The following COL9A1 variants were observed in gnomAD, a reference collection of about 807,000 sequenced individuals.
COL9A1 encodes the protein collagen alpha-1(IX) chain.
Under a neutral mutation model 142.6 loss-of-function variants are expected in COL9A1, and 104 were observed. That is an observed-to-expected ratio of 0.73 (90% confidence interval 0.62 to 0.86). The LOEUF (loss-of-function observed/expected upper bound fraction) is 0.86, where lower values mean the gene tolerates loss of function less well. Ranked by LOEUF, COL9A1 falls within the 40% of genes least tolerant of loss-of-function variation. COL9A1 has a pLI of 0.00. For synonymous variants in COL9A1, 466 were observed against 396.0 expected, an observed-to-expected ratio of 1.18 and a Z score of -2.10; for missense variants, 1,210 against 1,176.6, an observed-to-expected ratio of 1.03 and a Z score of -0.42.
intron 37 of COL9A1, among the ~76,000 whole-genome samples, chr6:70,224,597 G>A (rs1361954334): frequency 2.0e-5 from 3 of 152,160 alleles, no homozygotes; most frequent in Non-Finnish European, 4.4e-5. Context: ...TAAGTAAATT[G>A]TGATGATGGT....
chr6:70,273,607 G>A (rs1772546512), intron 12 of COL9A1, among the ~76,000 whole-genome samples: 1 of 152,058 alleles, frequency 6.6e-6, no homozygotes, highest in Non-Finnish European at 1.5e-5. Flanking sequence ...GACTAGCCAA[G>A]GAATCAGGCA....
At chr6:70,239,409 C>T (rs990814239) in intron 32 of COL9A1, 123 bp from the exon 33 acceptor site, 3 of 689,156 alleles carry the variant, frequency 4.4e-6, no homozygotes, top group Admixed American at 4.8e-5. Flanking sequence ...AACTCCGGCA[C>T]TGCAAAAAAA....
chr6:70,271,721 A>T lies in COL9A1; in HGVS notation c.1090-13T>A. On this transcript the variant is annotated splice_polypyrimidine_tract_variant and intron_variant, in intron 13 of 37. Coordinates refer to ENST00000357250, the MANE Select transcript of COL9A1 (RefSeq NM_001851.6). ...TCCCAGGAGGACCCTGAAGTCAACAAATCAAAGCAAATGGTCATTTATGAA... is the reference window on the plus strand; with the variant it reads ...TCCCAGGAGGACCCTGAAGTCAACATATCAAAGCAAATGGTCATTTATGAA... 6.2e-7 allele frequency: 1 copy of T among 1,612,140 alleles called. No homozygotes were observed. The highest frequency in any genetic ancestry group is 8.5e-7 in the Non-Finnish European group (1 of 1,178,320).
At position 70,262,245 on chromosome 6, in the gene COL9A1, A is replaced by G. The variant is rs1771737981; in HGVS notation, c.1395+999T>C. On this transcript the variant is annotated intron_variant, in intron 19 of 37. Transcript: ENST00000357250. ...AAGAGTCCAGCTCCTAGTGTCTCAT[A>G]TGGCAAACACTCAGGGGAGGGCAAA... Among the ~76,000 whole-genome samples the G allele has an allele frequency of 2.0e-5, 3 of 152,090 alleles. 1 individual carries two copies. Among genetic ancestry groups the G allele is most frequent in the African/African-American group, 7.2e-5 (3 of 41,390 alleles).
chr6:70,244,351 C>A (rs1176958339), intron 28 of COL9A1, among the ~76,000 whole-genome samples: 1 of 152,178 alleles, frequency 6.6e-6, no homozygotes, highest in Non-Finnish European at 1.5e-5. Context: ...TAGATGAAAA[C>A]CAGCCCCTGT....
intron 5 of COL9A1, among the ~76,000 whole-genome samples, chr6:70,291,063 T>G (rs1773641052): frequency 6.6e-6 from 1 of 152,154 alleles, no homozygotes; most frequent in South Asian, 2.1e-4. Flanking sequence ...ATTGTTCATC[T>G]TCAGCAATTG....
intron 35 of COL9A1, among the ~76,000 whole-genome samples, chr6:70,234,304 C>CA (rs55719911): frequency 2.8e-5 from 4 of 143,850 alleles, no homozygotes; most frequent in African/African-American, 7.6e-5. Context: ...CAAAACAAAA[C>CA]AAAAAAAAGG....
At chr6:70,275,935 A>G (rs1772730408) in intron 10 of COL9A1, among the ~76,000 whole-genome samples, 1 of 152,198 alleles carries the variant, frequency 6.6e-6, no homozygotes, top group South Asian at 2.1e-4. Context: ...ATAAACATCC[A>G]TAAAATTCCT....
At chr6:70,243,293 A>G (rs1371890482) in intron 28 of COL9A1, among the ~76,000 whole-genome samples, 2 of 152,226 alleles carry the variant, frequency 1.3e-5, no homozygotes, top group African/African-American at 4.8e-5. Context: ...TTCTAAACAT[A>G]TCTTAAAAGA....
chr6:70,239,420 T>C, intron 32 of COL9A1, 134 bp from the exon 33 acceptor site: 1 of 651,628 alleles, frequency 1.5e-6, no homozygotes, highest in Non-Finnish European at 2.8e-6. Flanking sequence ...TGCAAAAAAA[T>C]ATTAGACTCC....
intron 17 of COL9A1, among the ~76,000 whole-genome samples, chr6:70,267,784 G>A (rs1772124921): frequency 6.6e-6 from 1 of 152,184 alleles, no homozygotes; most frequent in South Asian, 2.1e-4. Flanking sequence ...GTTCCAAAAT[G>A]AAAACTGTCG....
Position 70,252,300 on chromosome 6 carries a change from G to A in COL9A1, c.1780C>T (p.Pro594Ser). The A allele has an allele frequency of 1.2e-6, 2 of 1,614,092 alleles. No homozygotes were observed. The highest frequency in any genetic ancestry group is 2.2e-5 in the East Asian group (1 of 44,876). ...VAGEKGSTGA[P>S]GKPGQMGNSG... ...TTTCCCATCTGACCAGGCTTCCCTG[G>A]AGCACCTGTGCTACCCTAAGGGTAA... Residue 594 changes from proline (P) to serine (S), a missense_variant, in exon 27 of 38, where the codon CCA becomes TCA. Coordinates refer to ENST00000357250, the MANE Select transcript of COL9A1 (RefSeq NM_001851.6).
chr6:70,269,541 A>G, intron 16 of COL9A1, 92 bp downstream of exon 16: 1 of 898,900 alleles, frequency 1.1e-6, no homozygotes, highest in Non-Finnish European at 1.9e-6. Context: ...GACACATAGA[A>G]TATTCCAGGG....
chr6:70,284,561 T>A (rs186134109), intron 5 of COL9A1, among the ~76,000 whole-genome samples: 45 of 152,256 alleles, frequency 3.0e-4, no homozygotes, highest in African/African-American at 1.1e-3. Flanking sequence ...TTAGCAGGTG[T>A]TACAGGATAA....
At chr6:70,277,221 G>A (rs1772819922) in intron 10 of COL9A1, among the ~76,000 whole-genome samples, 1 of 151,946 alleles carries the variant, frequency 6.6e-6, no homozygotes, top group Non-Finnish European at 1.5e-5. Context: ...AGGTCTCTCT[G>A]AGCATGTCAC....
In COL9A1 at chr6:70,303,046, T is replaced by C; in HGVS notation, c.-122A>G. Reference sequence around the variant, plus strand: ...GGACTATGTGTTCTGGGCCCAGCCTTGGTCCCTCCTGCCCCCGGTGAGGGC... The same window carrying C: ...GGACTATGTGTTCTGGGCCCAGCCTCGGTCCCTCCTGCCCCCGGTGAGGGC... On this transcript the variant is annotated 5_prime_UTR_variant, in exon 1 of 38. Coordinates refer to ENST00000357250, the MANE Select transcript of COL9A1 (RefSeq NM_001851.6). 1.9e-6 allele frequency: 2 copies of C among 1,038,888 alleles called. No homozygotes were observed. The highest frequency in any genetic ancestry group is 3.0e-6 in the Non-Finnish European group (2 of 657,324). The allele number at this position is 1,038,888 out of a possible 1,614,324, so 64.4% of individuals were successfully genotyped here.
intron 37 of COL9A1, 90 bp from the exon 38 acceptor site, chr6:70,217,171 G>A: frequency 1.5e-6 from 2 of 1,319,882 alleles, no homozygotes; most frequent in East Asian, 2.3e-5. Flanking sequence ...GCTCAGATAA[G>A]GGGTTTAACA....
intron 36 of COL9A1, among the ~76,000 whole-genome samples, chr6:70,231,923 G>A (rs532157277): frequency 6.6e-6 from 1 of 152,158 alleles, no homozygotes; most frequent in Admixed American, 6.5e-5. Context: ...TCTTCCACCA[G>A]TCCTGCTGAG....
intron 10 of COL9A1, chr6:70,279,706 A>C: frequency 3.3e-6 from 1 of 306,388 alleles, no homozygotes; most frequent in East Asian, 5.1e-5. Context: ...TAGTATAGAC[A>C]CAGTATAAAC....
Sources: gnomAD v4.1 joint callset for allele counts (sites outside exome capture counted in the v4.1 genomes callset) on GRCh38, gnomAD v4.1.1 for gene constraint, MANE v1.5 for transcripts, NCBI Gene and HGNC (gene_info 2026-07-23, HGNC 2026-07-21) for gene names.